The following FAM193B variants were observed in gnomAD, a reference collection of about 807,000 sequenced individuals.
The protein encoded by FAM193B is family with sequence similarity 193 member B.
A neutral mutation model predicts 70.7 loss-of-function variants in FAM193B; 27 were observed. That is an observed-to-expected ratio of 0.38 (90% CI 0.28 to 0.53). The LOEUF (loss-of-function observed/expected upper bound fraction) is 0.53, where lower values mean the gene tolerates loss of function less well. Ranked by LOEUF, FAM193B falls within the 20% of genes least tolerant of loss-of-function variation. The probability of loss-of-function intolerance (pLI) is 0.81; values close to 1 mark genes in which losing one functional copy is unlikely to be tolerated. For synonymous variants in FAM193B, 448 were observed against 436.0 expected (o/e 1.03, Z -0.34); for missense variants, 1,022 against 1,072.5 (o/e 0.95, Z 0.66).
intron 1 of FAM193B, among the ~76,000 whole-genome samples, chr5:177,551,248 T>C (rs1766198948): frequency 1.4e-5 from 2 of 142,628 alleles, no homozygotes; most frequent in Non-Finnish European, 3.0e-5. Context: ...CCTCCTACAA[T>C]TGCTTTTTCA....
rs1216117079 is a variant in FAM193B at position 177,554,537 on chromosome 5, C to T, written c.-79G>A. 1.5e-5 allele frequency: 13 copies of T among 887,032 alleles called. 1 individual carries two copies. Among genetic ancestry groups the T allele is most frequent in the South Asian group, 1.0e-4 (2 of 19,888 alleles). The allele number at this position is 887,032 out of a possible 1,614,324, so 54.9% of individuals were successfully genotyped here. ...GCCGCCGCCGCCGCCGCCGCTACCG[C>T]TCCCCTCACAGGACAACAGCCAATA... On this transcript the variant is annotated 5_prime_UTR_variant, in exon 1 of 9. Coordinates refer to ENST00000514747, the MANE Select transcript of FAM193B (RefSeq NM_001190946.3).
At position 177,536,388 on chromosome 5, in the gene FAM193B, G is replaced by C; in HGVS notation, c.1046C>G (p.Pro349Arg). The change falls in exon 4 of 9, where the codon CCG (proline) becomes CGG (arginine). Residue 349 changes from proline (P) to arginine (R), a missense_variant. By Grantham distance (103) the Pro-to-Arg change is moderately radical. Coordinates refer to ENST00000514747, the MANE Select transcript of FAM193B (RefSeq NM_001190946.3). ...AGTGCTAGGGAGTGGCTGAGAGCTCGGGGGTGGGAGGAGAGGCCCACTGCA... is the reference window on the plus strand; with the variant it reads ...AGTGCTAGGGAGTGGCTGAGAGCTCCGGGGTGGGAGGAGAGGCCCACTGCA... ...GHCSGPLLPP[P>R]SSQPLPSTHR... 6.2e-7 allele frequency: 1 copy of C among 1,609,236 alleles called. No homozygotes were observed. The highest frequency in any genetic ancestry group is 1.7e-5 in the Admixed American group (1 of 59,422).
intron 1 of FAM193B, among the ~76,000 whole-genome samples, chr5:177,550,242 C>T (rs913390804): frequency 1.3e-5 from 2 of 152,132 alleles, no homozygotes; most frequent in South Asian, 2.1e-4. Flanking sequence ...TACTGGCTTA[C>T]AAAGAAGAAC....
At chr5:177,533,193 G>A (rs1763744012) in intron 4 of FAM193B, among the ~76,000 whole-genome samples, 1 of 152,170 alleles carries the variant, frequency 6.6e-6, no homozygotes, top group Admixed American at 6.5e-5. Context: ...CTGGTGCTCT[G>A]GAGTAGATGG....
chr5:177,532,163 A>C lies in FAM193B; in HGVS notation c.1275+280T>G. ...TTACACACGTATACATACTCATCAG[A>C]ATCATAGCTTTCTCTCTGCCATTTC... On this transcript the variant is annotated intron_variant, in intron 5 of 8. Coordinates refer to ENST00000514747, the MANE Select transcript of FAM193B (RefSeq NM_001190946.3). The surrounding 1 kb of genome is among the most constrained non-coding windows in gnomAD (Gnocchi z 4.9). The C allele has an allele frequency of 6.9e-7, 1 of 1,444,868 alleles. No homozygotes were observed. The highest frequency in any genetic ancestry group is 9.2e-7 in the Non-Finnish European group (1 of 1,089,658). The allele number at this position is 1,444,868 out of a possible 1,614,324, so 89.5% of individuals were successfully genotyped here. A position where few individuals can be genotyped will look rare whatever the true frequency, so the allele number is the denominator to read the frequency against.
chr5:177,531,499 C>T (rs1763449690), intron 5 of FAM193B: 9 of 1,333,870 alleles, frequency 6.7e-6, no homozygotes, highest in Middle Eastern at 2.3e-4. Context: ...GGTATAGTTC[C>T]GACTCGTCGG....
intron 1 of FAM193B, among the ~76,000 whole-genome samples, chr5:177,540,726 G>A (rs1419547274): frequency 6.6e-6 from 1 of 152,166 alleles, no homozygotes; most frequent in East Asian, 1.9e-4. Flanking sequence ...ATGAGAGATA[G>A]AAAGTGGTAT....
chr5:177,551,160 G>A (rs1766187696), intron 1 of FAM193B, among the ~76,000 whole-genome samples: 1 of 152,230 alleles, frequency 6.6e-6, no homozygotes, highest in South Asian at 2.1e-4. Flanking sequence ...GGGTCAGAGA[G>A]AAGCAACTTG....
intron 5 of FAM193B, among the ~76,000 whole-genome samples, chr5:177,529,159 G>A (rs1448856045): frequency 6.6e-6 from 1 of 151,876 alleles, no homozygotes; most frequent in Non-Finnish European, 1.5e-5. Flanking sequence ...CAGGGGTGCA[G>A]TTTTTAAGAA....
chr5:177,545,115 C>T (rs1184955761), intron 1 of FAM193B, among the ~76,000 whole-genome samples: 1 of 152,166 alleles, frequency 6.6e-6, no homozygotes, highest in Admixed American at 6.5e-5. Context: ...ATGATCTCAG[C>T]TCACTGCAAC....
In FAM193B at chr5:177,538,988, C is replaced by T. The variant is rs1422478655; in HGVS notation, c.370G>A (p.Glu124Lys). The change falls in exon 2 of 9, where the codon GAG (glutamate) becomes AAG (lysine). Residue 124 changes from glutamate to lysine, a missense_variant. Coordinates refer to ENST00000514747, the MANE Select transcript of FAM193B (RefSeq NM_001190946.3). This position sits in a 1 kb window ranked among gnomAD's most constrained non-coding sequence, Gnocchi z 4.1. Reference sequence around the variant, plus strand: ...CTCTGGCAGACCCACAGAGGCATCTCGCCTAGGAGATTCTTGACGAGCTTT... The same window carrying T: ...CTCTGGCAGACCCACAGAGGCATCTTGCCTAGGAGATTCTTGACGAGCTTT... ...MPKLVKNLLG[E>K]MPLWVCQSCR... The T allele has an allele frequency of 5.6e-6, 9 of 1,614,064 alleles. No individual in the cohort carries two copies. Among genetic ancestry groups the T allele is most frequent in the Non-Finnish European group, 6.8e-6 (8 of 1,179,904 alleles).
At chr5:177,552,797 C>A (rs1196494441) in intron 1 of FAM193B, among the ~76,000 whole-genome samples, 1 of 152,194 alleles carries the variant, frequency 6.6e-6, no homozygotes, top group East Asian at 1.9e-4. Context: ...TAAGTGCTGA[C>A]ATTTTCATTA....
chr5:177,553,086 G>A, intron 1 of FAM193B: 2 of 727,812 alleles, frequency 2.7e-6, no homozygotes, highest in African/African-American at 3.8e-5. Flanking sequence ...GAGGGCTGTG[G>A]GCACAGAGAG....
intron 1 of FAM193B, among the ~76,000 whole-genome samples, chr5:177,547,950 A>G (rs752982448): frequency 4.6e-5 from 7 of 151,392 alleles, no homozygotes; most frequent in Admixed American, 2.6e-4. Context: ...GCAGGCTCAC[A>G]GGCACAGAAC....
intron 5 of FAM193B, chr5:177,531,338 T>C: frequency 7.4e-7 from 1 of 1,360,148 alleles, no homozygotes; most frequent in Non-Finnish European, 9.8e-7. Flanking sequence ...TTGGGGACTT[T>C]GGGCTCCGTG....
In FAM193B at chr5:177,532,309, G is replaced by A. The variant is rs915685448; in HGVS notation, c.1275+134C>T. The A allele has an allele frequency of 2.7e-5, 40 of 1,484,112 alleles. No individual in the cohort carries two copies. Among genetic ancestry groups the A allele is most frequent in the Admixed American group, 9.7e-5 (4 of 41,336 alleles). 91.9% of individuals were successfully genotyped at this position (1,484,112 alleles called of 1,614,324 possible). A position where few individuals can be genotyped will look rare whatever the true frequency, so the allele number is the denominator to read the frequency against. Reference sequence around the variant, plus strand: ...TGCTGTGAGGATCAAGCGAGCAGACGCAGGTGCAAGGACTCACGGCCCCAG... The same window carrying A: ...TGCTGTGAGGATCAAGCGAGCAGACACAGGTGCAAGGACTCACGGCCCCAG... On this transcript the variant is annotated intron_variant, in intron 5 of 8. Coordinates refer to ENST00000514747, the MANE Select transcript of FAM193B (RefSeq NM_001190946.3). This position sits in a 1 kb window ranked among gnomAD's most constrained non-coding sequence, Gnocchi z 4.9.
intron 4 of FAM193B, among the ~76,000 whole-genome samples, chr5:177,535,528 T>C (rs1322996377): frequency 6.6e-6 from 1 of 152,260 alleles, no homozygotes; most frequent in Non-Finnish European, 1.5e-5. Context: ...GGAATCTCCC[T>C]GAAGGACATG....
chr5:177,530,302 C>T (rs1030165054), intron 5 of FAM193B, among the ~76,000 whole-genome samples: 3 of 152,316 alleles, frequency 2.0e-5, no homozygotes, highest in South Asian at 2.1e-4. Context: ...AGATGTCTCA[C>T]GGGAACCTTC....
At chr5:177,523,536 A>G (rs1762098263) in intron 7 of FAM193B, among the ~76,000 whole-genome samples, 2 of 152,184 alleles carry the variant, frequency 1.3e-5, no homozygotes, top group Non-Finnish European at 2.9e-5. Context: ...TCTCCTGGGA[A>G]GGCCTCCTGG....
Sources: gnomAD v4.1 joint callset for allele counts (sites outside exome capture counted in the v4.1 genomes callset) on GRCh38, gnomAD v4.1.1 for gene constraint, Gnocchi (gnomAD v3.1) non-coding constraint, MANE v1.5 for transcripts, NCBI Gene and HGNC (gene_info 2026-07-23, HGNC 2026-07-21) for gene names.